The following BMPR1B variants were observed in gnomAD, a reference collection of about 807,000 sequenced individuals.
BMPR1B encodes bone morphogenetic protein receptor type 1B.
BMPR1B carries 12 observed loss-of-function variants against 59.1 expected under a neutral mutation model. The observed-to-expected ratio is 0.20, with a 90% CI of 0.13 to 0.33. The LOEUF is 0.33. Among genes scored for constraint, BMPR1B ranks in the 10% least tolerant of loss-of-function variants. The pLI is 1.00. For missense variants in BMPR1B, 550 were observed against 610.9 expected (o/e 0.90, Z 1.05); for synonymous variants, 237 against 207.3 (o/e 1.14, Z -1.23).
rs75134473 is a variant in BMPR1B at position 94,902,937 on chromosome 4, T to C, written c.-113+27037T>C. On this transcript the variant is annotated intron_variant, in intron 2 of 12. Coordinates refer to ENST00000515059, the MANE Select transcript of BMPR1B (RefSeq NM_001203.3). ...TGTTCTCCAAGTATGCTCTGTTCACTAGAACAGAAGCTCTGTGAGGGCTAG... is the reference window on the plus strand; with the variant it reads ...TGTTCTCCAAGTATGCTCTGTTCACCAGAACAGAAGCTCTGTGAGGGCTAG... Among the ~76,000 whole-genome samples, 1,479 of 152,124 alleles carry C rather than the reference T, an allele frequency of 9.7e-3. 8 individuals are homozygous for C. The highest frequency in any genetic ancestry group is 0.016 in the Non-Finnish European group (1,096 of 67,944).
intron 1 of BMPR1B, among the ~76,000 whole-genome samples, chr4:94,871,591 T>C (rs2148968152): frequency 6.6e-6 from 1 of 152,348 alleles, no homozygotes; most frequent in African/African-American, 2.4e-5. Flanking sequence ...TCAGAATCTT[T>C]AGAATTTTTT....
intron 3 of BMPR1B, among the ~76,000 whole-genome samples, chr4:95,099,445 C>T (rs912527986): frequency 6.6e-6 from 1 of 152,168 alleles, no homozygotes; most frequent in Non-Finnish European, 1.5e-5. Context: ...ATTATGGCCC[C>T]TTTGAAAGTA....
chr4:95,124,854 A>G (rs2149292161), intron 7 of BMPR1B, 129 bp from the exon 8 acceptor site: 1 of 852,338 alleles, frequency 1.2e-6, no homozygotes. Flanking sequence ...AGAGTAAAAA[A>G]TATGAAGCAT....
At chr4:95,095,886 A>G (rs552543041) in intron 3 of BMPR1B, among the ~76,000 whole-genome samples, 12 of 151,860 alleles carry the variant, frequency 7.9e-5, no homozygotes, top group Non-Finnish European at 1.5e-5. Flanking sequence ...TTTATTTATG[A>G]TATTTTTGAA....
At chr4:94,874,992 CA>C (rs993568948) in intron 1 of BMPR1B, among the ~76,000 whole-genome samples, 3 of 151,468 alleles carry the variant, frequency 2.0e-5, no homozygotes, top group Non-Finnish European at 2.9e-5. Flanking sequence ...GACACCGTCT[CA>C]AAAAAAATAA....
At chr4:94,951,459 T>C (rs902957745) in intron 2 of BMPR1B, among the ~76,000 whole-genome samples, 5 of 152,130 alleles carry the variant, frequency 3.3e-5, no homozygotes, top group Non-Finnish European at 7.4e-5. Flanking sequence ...CAGTATCTAG[T>C]GTATTGAGTG....
chr4:95,109,163 C>T (rs1486896099), intron 4 of BMPR1B, among the ~76,000 whole-genome samples: 1 of 152,106 alleles, frequency 6.6e-6, no homozygotes, highest in Non-Finnish European at 1.5e-5. Flanking sequence ...TTATTTTTGA[C>T]TATTTTCTTC....
intron 2 of BMPR1B, among the ~76,000 whole-genome samples, chr4:94,962,654 A>G (rs538554069): frequency 6.6e-6 from 1 of 152,270 alleles, no homozygotes; most frequent in Admixed American, 6.5e-5. Context: ...TGGAAATGAC[A>G]GGTTTCATTC....
intron 2 of BMPR1B, among the ~76,000 whole-genome samples, chr4:94,921,524 C>T (rs1728685976): frequency 6.6e-6 from 1 of 152,030 alleles, no homozygotes; most frequent in South Asian, 2.1e-4. Flanking sequence ...ATGGTGAAAG[C>T]AGGACCAAGA....
At chr4:94,836,370 C>T (rs1336760885) in intron 1 of BMPR1B, among the ~76,000 whole-genome samples, 1 of 136,782 alleles carries the variant, frequency 7.3e-6, no homozygotes, top group Non-Finnish European at 1.6e-5. Context: ...TTTACAGTCC[C>T]ACCAACAGTG....
rs537101066 is a variant in BMPR1B, at chr4:95,020,243, G to A, written c.-18+24109G>A. On this transcript the variant is annotated intron_variant, in intron 3 of 12. Transcript: ENST00000515059. ...CAGGATCTAATGAGTAGAAGTCAAG[G>A]ATGCTGCTAAACATCTTACACTACA... 6.6e-5 allele frequency among the ~76,000 whole-genome samples: 10 copies of A among 152,198 alleles called. No individual in the cohort carries two copies. In the East Asian group the frequency reaches 1.9e-3, roughly 29 times the overall value.
chr4:95,020,707 AGTTTTGAGACACGTTATT>A (rs1178200303), intron 3 of BMPR1B, among the ~76,000 whole-genome samples: 1 of 151,804 alleles, frequency 6.6e-6, no homozygotes, highest in East Asian at 1.9e-4. Flanking sequence ...TTTTGTTATT[AGTTTTGAGACACGTTATT>A]GTCTGTTGCC....
intron 3 of BMPR1B, among the ~76,000 whole-genome samples, chr4:95,007,143 A>G (rs919862560): frequency 1.3e-5 from 2 of 152,164 alleles, no homozygotes; most frequent in Non-Finnish European, 2.9e-5. Flanking sequence ...AACAACAGCA[A>G]CAATACTTAT....
intron 1 of BMPR1B, among the ~76,000 whole-genome samples, chr4:94,768,287 G>T (rs560820949): frequency 6.6e-6 from 1 of 151,982 alleles, no homozygotes; most frequent in African/African-American, 2.4e-5. Context: ...TACAAGGACT[G>T]TAACTTAATG....
At chr4:94,766,165 G>T (rs1721960261) in intron 1 of BMPR1B, among the ~76,000 whole-genome samples, 1 of 152,078 alleles carries the variant, frequency 6.6e-6, no homozygotes. Flanking sequence ...AGCCTTTGTT[G>T]TATTAACATG....
At chr4:95,095,509 G>C (rs906885152) in intron 3 of BMPR1B, among the ~76,000 whole-genome samples, 1 of 152,072 alleles carries the variant, frequency 6.6e-6, no homozygotes, top group African/African-American at 2.4e-5. Context: ...GTGCAAACTT[G>C]TGTAATATGA....
At chr4:95,063,018 A>G (rs776489880) in intron 3 of BMPR1B, among the ~76,000 whole-genome samples, 3 of 152,154 alleles carry the variant, frequency 2.0e-5, no homozygotes, top group Non-Finnish European at 4.4e-5. Context: ...TTGACATTTT[A>G]TAAGATACTC....
At position 94,836,686 on chromosome 4, in the gene BMPR1B, G is replaced by A. The variant is rs370215860; in HGVS notation, c.-182-39145G>A. ...CTTTGTCAGATGAGTAGGTTGCGAA[G>A]ATTTTCTCCCATTTTGTAGGTTGCC... is the stretch of plus-strand genomic sequence containing the variant. On this transcript the variant is annotated intron_variant, in intron 1 of 12. Transcript: ENST00000515059. Among the ~76,000 whole-genome samples the A allele has an allele frequency of 1.1e-4, 16 of 145,652 alleles. 1 individual carries two copies. The highest frequency in any genetic ancestry group is 3.5e-3 in the Middle Eastern group (1 of 282).
intron 1 of BMPR1B, among the ~76,000 whole-genome samples, chr4:94,839,900 GGTT>G (rs1553911233): frequency 6.6e-6 from 1 of 151,600 alleles, no homozygotes; most frequent in Non-Finnish European, 1.5e-5. Context: ...GGCTGGTACC[GGTT>G]GTTCCTTTCC....
Sources: gnomAD v4.1 joint callset for allele counts (sites outside exome capture counted in the v4.1 genomes callset) on GRCh38, gnomAD v4.1.1 for gene constraint, MANE v1.5 for transcripts, NCBI Gene and HGNC (gene_info 2026-07-23, HGNC 2026-07-21) for gene names.